Variants in COL5A2 observed in about 807,000 individuals in gnomAD.
COL5A2 encodes the protein collagen type V alpha 2 chain, also known as collagen alpha-2(V) chain.
A neutral mutation model predicts 208.2 loss-of-function variants in COL5A2; 23 were observed. That is an observed-to-expected ratio of 0.11 (90% CI 0.08 to 0.16). The LOEUF is 0.16. Among genes scored for constraint, COL5A2 ranks in the 10% least tolerant of loss-of-function variants. The pLI is 1.00. For missense variants in COL5A2, 1,590 were observed against 1,956.4 expected (o/e 0.81, Z 3.53); for synonymous variants, 625 against 628.5 (o/e 0.99, Z 0.08).
At chr2:189,317,113 TAAGAAA>T in the COL5A2 span, among the ~76,000 whole-genome samples, 538 of 152,222 alleles carry the variant, frequency 3.5e-3, 6 homozygotes, top group African/African-American at 0.012. Context: ...ATATTATTTT[TAAGAAA>T]ACTTATGAAG....
At chr2:189,433,760 G>GCA in the COL5A2 span, among the ~76,000 whole-genome samples, 4 of 152,128 alleles carry the variant, frequency 2.6e-5, no homozygotes, top group African/African-American at 9.7e-5. Context: ...GATACAAGGA[G>GCA]GAACTGGTAC....
At chr2:189,409,017 T>A in the COL5A2 span, among the ~76,000 whole-genome samples, 1 of 152,210 alleles carries the variant, frequency 6.6e-6, no homozygotes, top group Admixed American at 6.5e-5. Flanking sequence ...TATTTGAAGT[T>A]TCATTTATAA....
chr2:189,042,806 A>T, intron 48 of COL5A2, 33 bp from the exon 49 acceptor site: 2 of 1,585,332 alleles, frequency 1.3e-6, no homozygotes, highest in South Asian at 1.1e-5. Flanking sequence ...ATGTTGCCAA[A>T]ATATTTGGAT....
chr2:189,256,143 A>G, the COL5A2 span, among the ~76,000 whole-genome samples: 1 of 152,276 alleles, frequency 6.6e-6, no homozygotes, highest in Non-Finnish European at 1.5e-5. Context: ...TTGCCTTCCT[A>G]TATAGAGAGG....
the COL5A2 span, among the ~76,000 whole-genome samples, chr2:189,293,454 T>C: frequency 1.3e-5 from 2 of 152,260 alleles, no homozygotes; most frequent in African/African-American, 4.8e-5. Flanking sequence ...TCCAGTAGGA[T>C]AGAACAAGTG....
the COL5A2 span, among the ~76,000 whole-genome samples, chr2:189,350,955 A>G: frequency 0.044 from 6,628 of 152,230 alleles, 171 homozygotes; most frequent in African/African-American, 0.057. Context: ...ACTTTCTGTG[A>G]TGTCTCAGAA....
rs1685563414 is a variant in COL5A2, at chr2:189,041,598, T to C, written c.3621A>G (p.Glu1207=). The C allele has an allele frequency of 6.2e-7, 1 of 1,613,266 alleles. No individual in the cohort carries two copies. Among genetic ancestry groups the C allele is most frequent in the Non-Finnish European group, 8.5e-7 (1 of 1,179,204 alleles). The change falls in exon 50 of 54, where the codon GAA becomes GAG. Residue 1207 remains glutamate (E), a synonymous_variant. Coordinates refer to ENST00000374866, the MANE Select transcript of COL5A2 (RefSeq NM_000393.5). ...TTTGTGACTTTACCTCAGGTCCTGCTTCTCCTACACTGCCTCGTACACCTG... is the reference window on the plus strand; with the variant it reads ...TTTGTGACTTTACCTCAGGTCCTGCCTCTCCTACACTGCCTCGTACACCTG... ...GPPGVRGSVG[E]AGPEGPPGEP...
At chr2:189,207,549 C>T (rs1689157202) in intron 1 of COL5A2, among the ~76,000 whole-genome samples, 1 of 152,138 alleles carries the variant, frequency 6.6e-6, no homozygotes. Context: ...GATCAATAAC[C>T]TGCCTACAGG....
At chr2:189,077,117 C>A (rs944041797) in intron 16 of COL5A2, among the ~76,000 whole-genome samples, 4 of 152,056 alleles carry the variant, frequency 2.6e-5, no homozygotes, top group African/African-American at 9.7e-5. Context: ...CATCTAAAGT[C>A]ACTTGGCCTA....
At chr2:189,197,849 C>T (rs1689024929) in intron 1 of COL5A2, among the ~76,000 whole-genome samples, 1 of 99,868 alleles carries the variant, frequency 1.0e-5, no homozygotes, top group Non-Finnish European at 2.0e-5. Flanking sequence ...TTCTCATAGG[C>T]TCTTGTTTTT....
the COL5A2 span, among the ~76,000 whole-genome samples, chr2:189,388,884 T>C: frequency 6.6e-6 from 1 of 152,280 alleles, no homozygotes; most frequent in Admixed American, 6.5e-5. Flanking sequence ...TAGGCACTGA[T>C]ACTAATCAAG....
chr2:189,052,705 T>C (rs778448275), intron 40 of COL5A2, 44 bp downstream of exon 40: 27 of 1,582,018 alleles, frequency 1.7e-5, no homozygotes, highest in Non-Finnish European at 2.3e-5. Flanking sequence ...ACTAGGTAAC[T>C]AGAATTAGCT....
the COL5A2 span, among the ~76,000 whole-genome samples, chr2:189,404,103 T>C: frequency 1.3e-5 from 2 of 152,212 alleles, no homozygotes; most frequent in Non-Finnish European, 2.9e-5. Flanking sequence ...GTCATTTAAA[T>C]GTAACATGAT....
chr2:189,352,460 T>C, the COL5A2 span, among the ~76,000 whole-genome samples: 3 of 151,722 alleles, frequency 2.0e-5, no homozygotes, highest in Non-Finnish European at 4.4e-5. Context: ...CTCTCCAGCA[T>C]CTGTTGTTTC....
At chr2:189,349,286 T>C in the COL5A2 span, among the ~76,000 whole-genome samples, 1 of 152,036 alleles carries the variant, frequency 6.6e-6, no homozygotes. Context: ...AAGAAAATGG[T>C]TTTTTCCAAC....
chr2:189,362,509 A>G, the COL5A2 span, among the ~76,000 whole-genome samples: 1 of 152,172 alleles, frequency 6.6e-6, no homozygotes, highest in Non-Finnish European at 1.5e-5. Flanking sequence ...TTATTAACCA[A>G]GAGCACAGCT....
intron 1 of COL5A2, among the ~76,000 whole-genome samples, chr2:189,148,139 C>T (rs1357418499): frequency 6.6e-6 from 1 of 152,046 alleles, no homozygotes; most frequent in Non-Finnish European, 1.5e-5. Context: ...CCAAATTTCA[C>T]TTAGATGACA....
At chr2:189,325,366 G>A in the COL5A2 span, among the ~76,000 whole-genome samples, 1 of 150,666 alleles carries the variant, frequency 6.6e-6, no homozygotes, top group African/African-American at 2.4e-5. Flanking sequence ...AGACTGCTTG[G>A]GTCACTTCAT....
chr2:189,380,281 A>G, the COL5A2 span, among the ~76,000 whole-genome samples: 1 of 152,084 alleles, frequency 6.6e-6, no homozygotes, highest in African/African-American at 2.4e-5. Context: ...ACTTAAGTTC[A>G]AAATTGTCAC....
Sources: allele counts gnomAD v4.1 joint callset (sites outside exome capture counted in the v4.1 genomes callset), GRCh38; gene constraint gnomAD v4.1.1; transcripts MANE v1.5; gene names NCBI Gene and HGNC (gene_info 2026-07-23, HGNC 2026-07-21).